Variants in VWA8 observed in about 807,000 individuals in gnomAD.
VWA8 encodes von Willebrand factor A domain containing 8.
A neutral mutation model predicts 241.5 loss-of-function variants in VWA8; 221 were observed. The observed-to-expected ratio is 0.91, with a 90% CI of 0.82 to 1.02. VWA8 has a LOEUF of 1.02. Among genes scored for constraint, VWA8 ranks in the 50% least tolerant of loss-of-function variants. The pLI, the probability that VWA8 is intolerant of heterozygous loss-of-function variation, is 0.00. For missense variants in VWA8, 2,322 were observed against 2,328.7 expected, an observed-to-expected ratio of 1.00 and a Z score of 0.06; for synonymous variants, 852 against 827.1, an observed-to-expected ratio of 1.03 and a Z score of -0.52.
intron 3 of VWA8, 92 bp from the exon 4 acceptor site, chr13:41,907,788 G>A: frequency 1.0e-5 from 11 of 1,079,524 alleles, no homozygotes; most frequent in Non-Finnish European, 1.5e-5. Context: ...CATTGCCCAT[G>A]AGAAGTGCAT....
At chr13:41,812,574 T>G (rs777573659) in intron 16 of VWA8, among the ~76,000 whole-genome samples, 6 of 152,164 alleles carry the variant, frequency 3.9e-5, no homozygotes, top group Admixed American at 6.6e-5. Flanking sequence ...TTTGCTTGTT[T>G]TAATGTTCCA....
In VWA8 at chr13:41,762,985, C is replaced by T. The variant is rs543435561; in HGVS notation, c.2350-1781G>A. Among the ~76,000 whole-genome samples the T allele has an allele frequency of 1.5e-4, 23 of 151,954 alleles. No individual in the cohort carries two copies. In the South Asian group the frequency reaches 3.7e-3, roughly 25 times the overall value. On this transcript the variant is annotated intron_variant, in intron 20 of 44. Coordinates refer to ENST00000379310, the MANE Select transcript of VWA8 (RefSeq NM_015058.2). ...AAATTATGGACTTATAAAAGAAGAA[C>T]GGGCCAGGCGCATGACTCACACCAG...
intron 26 of VWA8, among the ~76,000 whole-genome samples, chr13:41,718,115 T>C (rs1593716601): frequency 1.3e-5 from 2 of 151,992 alleles, no homozygotes; most frequent in East Asian, 1.9e-4. Flanking sequence ...TTTTTATTTA[T>C]AGTCATGCAA....
intron 41 of VWA8, 119 bp downstream of exon 41, chr13:41,590,521 T>A: frequency 9.7e-7 from 1 of 1,034,178 alleles, no homozygotes; most frequent in Non-Finnish European, 1.3e-6. Context: ...TTTAACATAA[T>A]GCTTTCCTTG....
intron 4 of VWA8, among the ~76,000 whole-genome samples, chr13:41,900,550 C>T (rs1242157999): frequency 6.6e-6 from 1 of 152,064 alleles, no homozygotes; most frequent in African/African-American, 2.4e-5. Context: ...TATCTAAGTC[C>T]CTGTTCTAGA....
intron 26 of VWA8, among the ~76,000 whole-genome samples, chr13:41,705,519 G>C (rs926036561): frequency 6.6e-6 from 1 of 152,112 alleles, no homozygotes; most frequent in Non-Finnish European, 1.5e-5. Context: ...AAAAATAACA[G>C]AAGGAGATAC....
chr13:41,723,779 T>C (rs558687485), intron 24 of VWA8, among the ~76,000 whole-genome samples: 120 of 139,340 alleles, frequency 8.6e-4, no homozygotes, highest in African/African-American at 2.7e-3. Context: ...CAGGAGCTAT[T>C]GAACTGGAAG....
chr13:41,702,675 C>G (rs540443378), intron 27 of VWA8, among the ~76,000 whole-genome samples: 2 of 152,286 alleles, frequency 1.3e-5, no homozygotes, highest in Non-Finnish European at 2.9e-5. Flanking sequence ...GTGGTTGCAA[C>G]AGAATCTGTA....
chr13:41,567,792 G>A lies in VWA8; in HGVS notation c.*405C>T, dbSNP rs144448050. 3.8e-5 allele frequency: 6 copies of A among 159,354 alleles called. No individual in the cohort carries two copies. The highest frequency in any genetic ancestry group is 9.6e-5 in the African/African-American group (4 of 41,784). 9.9% of individuals were successfully genotyped at this position (159,354 alleles called of 1,614,324 possible). A position where few individuals can be genotyped will look rare whatever the true frequency, so the allele number is the denominator to read the frequency against. On this transcript the variant is annotated 3_prime_UTR_variant, in exon 45 of 45. Transcript: ENST00000379310. ...ACAGACTTGCATCTTGTGTCAGAAT[G>A]TGACATCAAAGGCTCAGTTTGATGG...
At chr13:41,938,299 G>C (rs562399469) in intron 2 of VWA8, among the ~76,000 whole-genome samples, 8 of 152,070 alleles carry the variant, frequency 5.3e-5, no homozygotes, top group Non-Finnish European at 1.2e-4. Context: ...GGATACTTCA[G>C]AACACGTTCA....
chr13:41,753,917 T>A (rs1340266698), intron 21 of VWA8, among the ~76,000 whole-genome samples: 1 of 152,178 alleles, frequency 6.6e-6, no homozygotes, highest in Non-Finnish European at 1.5e-5. Context: ...CTGCCTTTTT[T>A]AGGTCTTTTA....
intron 37 of VWA8, among the ~76,000 whole-genome samples, chr13:41,633,328 T>C (rs184122980): frequency 9.7e-4 from 147 of 152,326 alleles, no homozygotes; most frequent in Admixed American, 6.3e-3. Flanking sequence ...TCCTAACATC[T>C]TCAGCACCAG....
At chr13:41,660,719 C>G (rs1566405669) in intron 37 of VWA8, among the ~76,000 whole-genome samples, 1 of 152,190 alleles carries the variant, frequency 6.6e-6, no homozygotes, top group Non-Finnish European at 1.5e-5. Context: ...CCTTTCCTGA[C>G]AGCAGACTCA....
At chr13:41,833,329 T>C in intron 13 of VWA8, 42 bp downstream of exon 13, 3 of 1,554,600 alleles carry the variant, frequency 1.9e-6, no homozygotes, top group Non-Finnish European at 2.6e-6. Flanking sequence ...TAAGTCAGAG[T>C]GGGGTGTGTG....
intron 4 of VWA8, among the ~76,000 whole-genome samples, chr13:41,893,759 C>G (rs1014239997): frequency 6.6e-6 from 1 of 152,124 alleles, no homozygotes; most frequent in Non-Finnish European, 1.5e-5. Context: ...TGGCGGGCGC[C>G]TGTAATCCTA....
chr13:41,957,257 G>A (rs377108162), intron 1 of VWA8, among the ~76,000 whole-genome samples: 2 of 152,150 alleles, frequency 1.3e-5, no homozygotes, highest in East Asian at 1.9e-4. Flanking sequence ...AAAGTCTCAC[G>A]AGGTCTGATG....
At chr13:41,833,133 C>A (rs1051809605) in intron 13 of VWA8, among the ~76,000 whole-genome samples, 1 of 152,068 alleles carries the variant, frequency 6.6e-6, no homozygotes, top group East Asian at 1.9e-4. Context: ...TTTGCAGTGC[C>A]TACACACGGA....
At chr13:41,597,303 T>G (rs9594584) in intron 40 of VWA8, among the ~76,000 whole-genome samples, 51,396 of 151,992 alleles carry the variant, frequency 0.34, 9,109 homozygotes, top group South Asian at 0.41. Flanking sequence ...TAAGGAAAAC[T>G]TTCATATTGA....
intron 37 of VWA8, among the ~76,000 whole-genome samples, chr13:41,643,323 A>G (rs1331530913): frequency 6.6e-6 from 1 of 152,076 alleles, no homozygotes; most frequent in Non-Finnish European, 1.5e-5. Context: ...GTGATCCTGA[A>G]CTTTTCCGAT....
Sources: allele counts gnomAD v4.1 joint callset (sites outside exome capture counted in the v4.1 genomes callset), GRCh38; gene constraint gnomAD v4.1.1; transcripts MANE v1.5; gene names NCBI Gene and HGNC (gene_info 2026-07-23, HGNC 2026-07-21).